PRKAG2: variants seen among roughly 807,000 people sequenced by gnomAD.
PRKAG2 encodes 5'-AMP-activated protein kinase subunit gamma-2.
Under a neutral mutation model 69.6 loss-of-function variants are expected in PRKAG2, and 26 were observed. The observed-to-expected ratio is 0.37, with a 90% CI of 0.27 to 0.52. The LOEUF is 0.52. PRKAG2 is among the 20% of genes least tolerant of loss of function. The pLI, the probability that PRKAG2 is intolerant of heterozygous loss-of-function variation, is 0.90. For missense variants in PRKAG2, 557 were observed against 740.0 expected, an observed-to-expected ratio of 0.75 and a Z score of 2.87; for synonymous variants, 293 against 285.0, an observed-to-expected ratio of 1.03 and a Z score of -0.28.
chr7:151,599,853 C>G (rs1454271275), intron 5 of PRKAG2, among the ~76,000 whole-genome samples: 1 of 152,188 alleles, frequency 6.6e-6, no homozygotes, highest in Non-Finnish European at 1.5e-5. Flanking sequence ...ACCTGGGAGG[C>G]CTGGCCCCCG....
chr7:151,703,579 G>C (rs1585899923), intron 3 of PRKAG2, among the ~76,000 whole-genome samples: 1 of 152,236 alleles, frequency 6.6e-6, no homozygotes, highest in African/African-American at 2.4e-5. Flanking sequence ...TTTGCACAAA[G>C]TTCATGCATC....
chr7:151,835,623 G>A lies in PRKAG2; in HGVS notation c.114+40884C>T, dbSNP rs1269899408. Among the ~76,000 whole-genome samples, 1 of 152,166 alleles carries A rather than the reference G, an allele frequency of 6.6e-6. No homozygotes were observed. The highest frequency in any genetic ancestry group is 1.5e-5 in the Non-Finnish European group (1 of 68,038). On this transcript the variant is annotated intron_variant, in intron 1 of 15. Coordinates refer to ENST00000287878, the MANE Select transcript of PRKAG2 (RefSeq NM_016203.4). This position sits in a 1 kb window ranked among gnomAD's most constrained non-coding sequence, Gnocchi z 4.1. ...AAGCTCGCCTTTAGGAACCACTCTCGTTGTGGTTTTAAATTGTCATCACTT... is the reference window on the plus strand; with the variant it reads ...AAGCTCGCCTTTAGGAACCACTCTCATTGTGGTTTTAAATTGTCATCACTT...
At chr7:151,778,819 T>C (rs1389736631) in intron 3 of PRKAG2, among the ~76,000 whole-genome samples, 1 of 152,222 alleles carries the variant, frequency 6.6e-6, no homozygotes, top group Non-Finnish European at 1.5e-5. Flanking sequence ...AACATTTTCC[T>C]TCCACCCATC....
intron 6 of PRKAG2, among the ~76,000 whole-genome samples, chr7:151,579,841 A>G (rs1809915676): frequency 6.6e-6 from 1 of 152,218 alleles, no homozygotes; most frequent in African/African-American, 2.4e-5. Context: ...CAAAAGGGTA[A>G]CAAGCAGGCT....
At chr7:151,793,217 C>A (rs534582293) in intron 1 of PRKAG2, among the ~76,000 whole-genome samples, 2 of 152,210 alleles carry the variant, frequency 1.3e-5, no homozygotes, top group Non-Finnish European at 2.9e-5. Context: ...TACTCTCAAA[C>A]GACCAAAGAC....
At chr7:151,849,375 G>A (rs2079515996) in intron 1 of PRKAG2, among the ~76,000 whole-genome samples, 1 of 152,176 alleles carries the variant, frequency 6.6e-6, no homozygotes, top group African/African-American at 2.4e-5. Flanking sequence ...GATGATGGTG[G>A]GGAAGTTCTT....
Position 151,864,692 on chromosome 7 carries a change from AT to A in PRKAG2, c.114+11814del, listed in dbSNP as rs1346152504. 3.9e-5 allele frequency among the ~76,000 whole-genome samples: 6 copies of A among 152,266 alleles called. No individual in the cohort carries two copies. In the East Asian group the frequency reaches 1.2e-3, roughly 29 times the overall value. On this transcript the variant is annotated intron_variant, in intron 1 of 15. Transcript: ENST00000287878. ...GCGCTGGCAGCTCCCCAGGGGTGAAATATCTCCTCGGACACTCACTCATCTT... is the reference window on the plus strand; with the variant it reads ...GCGCTGGCAGCTCCCCAGGGGTGAAAATCTCCTCGGACACTCACTCATCTT...
intron 3 of PRKAG2, among the ~76,000 whole-genome samples, chr7:151,762,386 C>T (rs1032283403): frequency 1.3e-5 from 2 of 152,168 alleles, no homozygotes; most frequent in African/African-American, 4.8e-5. Context: ...TTAATTCTTA[C>T]ATATACGACG....
intron 3 of PRKAG2, among the ~76,000 whole-genome samples, chr7:151,681,059 C>T (rs1440314859): frequency 1.3e-5 from 2 of 152,184 alleles, no homozygotes; most frequent in African/African-American, 2.4e-5. Flanking sequence ...CACCCCCTGC[C>T]GAGAGCTCTT....
rs1015878205 is a variant in PRKAG2 at position 151,771,987 on chromosome 7, G to A, written c.466+9165C>T. 5.3e-5 allele frequency among the ~76,000 whole-genome samples: 8 copies of A among 152,174 alleles called. No individual in the cohort carries two copies. The highest frequency in any genetic ancestry group is 1.9e-4 in the East Asian group (1 of 5,200). On this transcript the variant is annotated intron_variant, in intron 3 of 15. Coordinates refer to ENST00000287878, the MANE Select transcript of PRKAG2 (RefSeq NM_016203.4). The surrounding 1 kb of genome is among the most constrained non-coding windows in gnomAD (Gnocchi z 4.0). ...AACAATTTGCTCAGTGCCTTCAGGC[G>A]CCATTCTAGACCCTGAGAAAGCTTT...
intron 3 of PRKAG2, among the ~76,000 whole-genome samples, chr7:151,755,272 C>CG (rs1563601026): frequency 1.3e-5 from 2 of 152,130 alleles, no homozygotes; most frequent in Non-Finnish European, 2.9e-5. Flanking sequence ...CTGGGAGGCA[C>CG]GGCACAGCAC....
rs142266241 is a variant in PRKAG2 at position 151,684,552 on chromosome 7, T to TA, written c.467-8916dup. On this transcript the variant is annotated intron_variant, in intron 3 of 15. Transcript: ENST00000287878. Reference sequence around the variant, plus strand: ...CTAGGACACTGAATGATAAGGCCCGTATTCAGTATGGGCAGCTGCCATTGA... The same window carrying TA: ...CTAGGACACTGAATGATAAGGCCCGTAATTCAGTATGGGCAGCTGCCATTGA... Among the ~76,000 whole-genome samples, 1,420 of 152,258 alleles carry TA rather than the reference T, an allele frequency of 9.3e-3. 13 individuals are homozygous for TA. The highest frequency in any genetic ancestry group is 0.033 in the African/African-American group (1,355 of 41,548).
intron 1 of PRKAG2, among the ~76,000 whole-genome samples, chr7:151,868,890 A>G (rs556953297): frequency 3.9e-5 from 6 of 152,370 alleles, no homozygotes; most frequent in African/African-American, 1.4e-4. Context: ...AATATTTAAG[A>G]GCACATGTAT....
At chr7:151,704,315 T>C (rs1364514331) in intron 3 of PRKAG2, among the ~76,000 whole-genome samples, 1 of 152,248 alleles carries the variant, frequency 6.6e-6, no homozygotes, top group South Asian at 2.1e-4. Flanking sequence ...CTAACTAATC[T>C]TCATGATTCT....
chr7:151,635,867 T>A (rs1199667554), intron 4 of PRKAG2, among the ~76,000 whole-genome samples: 1 of 90,842 alleles, frequency 1.1e-5, no homozygotes, highest in Non-Finnish European at 2.2e-5. Context: ...TGACAATAAA[T>A]TTTTTTTTTT....
chr7:151,578,818 T>G (rs1483754478), intron 6 of PRKAG2, among the ~76,000 whole-genome samples: 1 of 152,194 alleles, frequency 6.6e-6, no homozygotes, highest in Non-Finnish European at 1.5e-5. Flanking sequence ...AGGAAAGGTG[T>G]GCCCATTTGA....
chr7:151,641,998 A>G (rs1002387388), intron 4 of PRKAG2, among the ~76,000 whole-genome samples: 7 of 143,182 alleles, frequency 4.9e-5, no homozygotes, highest in Admixed American at 1.4e-4. Flanking sequence ...GTTTGAGACC[A>G]GCCTGGGCAA....
intron 1 of PRKAG2, among the ~76,000 whole-genome samples, chr7:151,791,252 C>T (rs1468331538): frequency 1.3e-5 from 2 of 152,124 alleles, no homozygotes; most frequent in African/African-American, 2.4e-5. Flanking sequence ...GTGGGAAAAT[C>T]TCTAACTGCA....
In PRKAG2 at chr7:151,801,836, G is replaced by A. The variant is rs563183978; in HGVS notation, c.115-15295C>T. 9.2e-5 allele frequency among the ~76,000 whole-genome samples: 14 copies of A among 152,286 alleles called. No individual in the cohort carries two copies. In the South Asian group the frequency reaches 1.9e-3, roughly 20 times the overall value. On this transcript the variant is annotated intron_variant, in intron 1 of 15. Transcript: ENST00000287878. ...GTACAAAAAACAGGGGGTTGTTTGC[G>A]TCTTTGTTTTTTCAAACAAGAAAAA...
Sources: allele counts gnomAD v4.1 joint callset (sites outside exome capture counted in the v4.1 genomes callset), GRCh38; gene constraint gnomAD v4.1.1; non-coding constraint Gnocchi (gnomAD v3.1); transcripts MANE v1.5; gene names NCBI Gene and HGNC (gene_info 2026-07-23, HGNC 2026-07-21).